The following NFIA variants were observed in gnomAD, a reference collection of about 807,000 sequenced individuals.
The protein encoded by NFIA is nuclear factor 1 A-type.
A neutral mutation model predicts 62.8 loss-of-function variants in NFIA; 8 were observed. That is an observed-to-expected ratio of 0.13 (90% CI 0.07 to 0.23). NFIA has a LOEUF of 0.23. Ranked by LOEUF, NFIA falls within the 10% of genes least tolerant of loss-of-function variation. The pLI is 1.00. For synonymous variants in NFIA, 235 were observed against 238.1 expected (o/e 0.99, Z 0.12); for missense variants, 410 against 642.1 (o/e 0.64, Z 3.91).
intron 3 of NFIA, among the ~76,000 whole-genome samples, chr1:61,291,816 A>G (rs1658899782): frequency 6.6e-6 from 1 of 152,226 alleles, no homozygotes; most frequent in Non-Finnish European, 1.5e-5. Flanking sequence ...TAACAATGGC[A>G]TATGACATGT....
At chr1:61,217,838 A>C (rs2100612642) in intron 2 of NFIA, among the ~76,000 whole-genome samples, 1 of 152,346 alleles carries the variant, frequency 6.6e-6, no homozygotes, top group South Asian at 2.1e-4. Flanking sequence ...CTGCCACTTA[A>C]GAATTCTGGG....
At chr1:61,310,764 TTTCCTTCCTTCCTTCCTTCC>T (rs372925891) in intron 3 of NFIA, among the ~76,000 whole-genome samples, 1 of 129,312 alleles carries the variant, frequency 7.7e-6, no homozygotes, top group South Asian at 2.6e-4. Flanking sequence ...TTCTCCCTCT[TTTCCTTCCTTCCTTCCTTCC>T]TTCCTTCCTT....
intron 7 of NFIA, among the ~76,000 whole-genome samples, chr1:61,391,976 T>C (rs1236842144): frequency 6.6e-6 from 1 of 152,222 alleles, no homozygotes; most frequent in Non-Finnish European, 1.5e-5. Context: ...GTTTATTTAT[T>C]ATTGGAGTAT....
chr1:61,456,825 A>C lies in NFIA; in HGVS notation c.*1505A>C, dbSNP rs552421411. 4.0e-5 allele frequency: 6 copies of C among 151,608 alleles called. No individual in the cohort carries two copies. Among genetic ancestry groups the C allele is most frequent in the Admixed American group, 1.3e-4 (2 of 15,258 alleles). 9.4% of individuals were successfully genotyped at this position (151,608 alleles called of 1,614,324 possible). On this transcript the variant is annotated 3_prime_UTR_variant, in exon 11 of 11. Transcript: ENST00000403491. ...AAAAAACAAAAAACAAAAACAAAAA[A>C]AAAACACAAAAAACCACAGAAACAA...
At chr1:61,183,686 T>C (rs1000155051) in intron 2 of NFIA, among the ~76,000 whole-genome samples, 1 of 152,212 alleles carries the variant, frequency 6.6e-6, no homozygotes, top group Non-Finnish European at 1.5e-5. Flanking sequence ...ACAGGGCTGC[T>C]TGAACTTTAG....
intron 3 of NFIA, among the ~76,000 whole-genome samples, chr1:61,307,762 A>C (rs777445728): frequency 2.0e-4 from 30 of 152,294 alleles, no homozygotes; most frequent in Non-Finnish European, 2.5e-4. Context: ...TCTTTAGGAG[A>C]TCCATTTGCT....
chr1:61,112,524 TG>T (rs1482280663), intron 2 of NFIA, among the ~76,000 whole-genome samples: 1 of 152,192 alleles, frequency 6.6e-6, no homozygotes, highest in Non-Finnish European at 1.5e-5. Flanking sequence ...TGGCTATTGC[TG>T]GACTCTTAAG....
At chr1:61,171,414 T>C (rs187480971) in intron 2 of NFIA, among the ~76,000 whole-genome samples, 1 of 152,338 alleles carries the variant, frequency 6.6e-6, no homozygotes, top group Admixed American at 6.5e-5. Flanking sequence ...AACATAATTA[T>C]GAAATATTTT....
At chr1:61,145,406 CATT>C (rs1483541672) in intron 2 of NFIA, among the ~76,000 whole-genome samples, 1 of 152,116 alleles carries the variant, frequency 6.6e-6, no homozygotes, top group Non-Finnish European at 1.5e-5. Context: ...TCAGAAGAAA[CATT>C]ATCTACTGGA....
intron 2 of NFIA, among the ~76,000 whole-genome samples, chr1:61,175,595 C>G (rs1464744242): frequency 2.0e-5 from 3 of 152,152 alleles, no homozygotes; most frequent in African/African-American, 7.2e-5. Flanking sequence ...TCCTCCAGGT[C>G]CTCAAAAAAG....
In NFIA at chr1:61,461,511, C is replaced by G. The variant is rs1569946034; in HGVS notation, c.*6191C>G. 1 of 152,032 alleles carries G rather than the reference C, an allele frequency of 6.6e-6. No homozygotes were observed. The highest frequency in any genetic ancestry group is 2.4e-5 in the African/African-American group (1 of 41,360). 9.4% of individuals were successfully genotyped at this position (152,032 alleles called of 1,614,324 possible). A position where few individuals can be genotyped will look rare whatever the true frequency, so the allele number is the denominator to read the frequency against. On this transcript the variant is annotated 3_prime_UTR_variant, in exon 11 of 11. Coordinates refer to ENST00000403491, the MANE Select transcript of NFIA (RefSeq NM_001134673.4). ...TCTCATTTTTTTCCCTAAACCAGCA[C>G]CCATCTGCCTTTTATTCCCCAAAGA...
intron 2 of NFIA, among the ~76,000 whole-genome samples, chr1:61,161,586 A>AACACACACACACAC (rs56383204): frequency 1.3e-5 from 2 of 149,468 alleles, no homozygotes; most frequent in African/African-American, 2.4e-5. Context: ...CGCCATGTGC[A>AACACACACACACAC]ACACACACAC....
chr1:61,291,985 T>C (rs892795302), intron 3 of NFIA, among the ~76,000 whole-genome samples: 1 of 152,152 alleles, frequency 6.6e-6, no homozygotes, highest in Non-Finnish European at 1.5e-5. Flanking sequence ...CACCAGTCAA[T>C]GAAAATAGTA....
At chr1:61,334,294 C>T (rs1461871858) in intron 4 of NFIA, among the ~76,000 whole-genome samples, 1 of 151,892 alleles carries the variant, frequency 6.6e-6, no homozygotes, top group Non-Finnish European at 1.5e-5. Context: ...GGTATTGAAG[C>T]GTACTTAAAG....
intron 2 of NFIA, among the ~76,000 whole-genome samples, chr1:61,101,475 AT>A (rs1264427985): frequency 6.6e-6 from 1 of 151,552 alleles, no homozygotes; most frequent in Non-Finnish European, 1.5e-5. Flanking sequence ...GAAAAGTTCT[AT>A]TTTTTTTAAA....
chr1:61,265,426 A>G (rs550351259), intron 2 of NFIA, among the ~76,000 whole-genome samples: 24 of 152,348 alleles, frequency 1.6e-4, no homozygotes, highest in South Asian at 8.3e-4. Flanking sequence ...ACATAGAAGC[A>G]AAATATATGC....
chr1:61,078,535 T>G (rs1646059214), upstream of NFIA, among the ~76,000 whole-genome samples: 1 of 152,206 alleles, frequency 6.6e-6, no homozygotes. Context: ...AACTTCTTAC[T>G]CTGATTATCT....
intron 9 of NFIA, among the ~76,000 whole-genome samples, chr1:61,407,108 T>G (rs1159079765): frequency 2.0e-5 from 3 of 152,222 alleles, no homozygotes; most frequent in African/African-American, 7.2e-5. Context: ...TTCCAGGAAC[T>G]TGCAGTCTAA....
intron 2 of NFIA, among the ~76,000 whole-genome samples, chr1:61,259,474 A>G (rs1656620381): frequency 6.6e-6 from 1 of 152,192 alleles, no homozygotes; most frequent in African/African-American, 2.4e-5. Context: ...CTTGTTGGGA[A>G]GGCACGTGGG....
Sources: gnomAD v4.1 joint callset for allele counts (sites outside exome capture counted in the v4.1 genomes callset) on GRCh38, gnomAD v4.1.1 for gene constraint, MANE v1.5 for transcripts, NCBI Gene and HGNC (gene_info 2026-07-23, HGNC 2026-07-21) for gene names.